Variants in PTPRO observed in about 807,000 individuals in gnomAD.
PTPRO encodes protein tyrosine phosphatase receptor type O.
A neutral mutation model predicts 145.2 loss-of-function variants in PTPRO; 62 were observed. That is an observed-to-expected ratio of 0.43 (90% CI 0.35 to 0.53). The LOEUF (loss-of-function observed/expected upper bound fraction) is 0.53, where lower values mean the gene tolerates loss of function less well. Among genes scored for constraint, PTPRO ranks in the 20% least tolerant of loss-of-function variants. PTPRO has a pLI of 0.01. For missense variants in PTPRO, 1,345 were observed against 1,482.7 expected, an observed-to-expected ratio of 0.91 and a Z score of 1.53; for synonymous variants, 565 against 514.7, an observed-to-expected ratio of 1.10 and a Z score of -1.32.
At chr12:15,378,841 A>C (rs1332126010) in intron 1 of PTPRO, among the ~76,000 whole-genome samples, 2 of 152,192 alleles carry the variant, frequency 1.3e-5, no homozygotes, top group Non-Finnish European at 2.9e-5. Flanking sequence ...TTAATAACTC[A>C]GTAACAAAAA....
chr12:15,393,694 C>T (rs557259991), intron 1 of PTPRO, among the ~76,000 whole-genome samples: 1 of 151,666 alleles, frequency 6.6e-6, no homozygotes, highest in Non-Finnish European at 1.5e-5. Context: ...AGGCAACTTG[C>T]CAGGACATCT....
chr12:15,556,698 AC>A (rs1447934219), intron 15 of PTPRO, among the ~76,000 whole-genome samples: 2 of 152,220 alleles, frequency 1.3e-5, no homozygotes, highest in Non-Finnish European at 1.5e-5. Flanking sequence ...CACTTGATCC[AC>A]TATCATTGTA....
chr12:15,415,738 G>A (rs191628345), intron 1 of PTPRO, among the ~76,000 whole-genome samples: 1 of 151,762 alleles, frequency 6.6e-6, no homozygotes, highest in African/African-American at 2.4e-5. Context: ...AAAATAGCCT[G>A]GTAAAAATTA....
chr12:15,571,449 G>A (rs576901152), intron 19 of PTPRO, among the ~76,000 whole-genome samples: 10 of 152,072 alleles, frequency 6.6e-5, no homozygotes, highest in South Asian at 2.1e-4. Flanking sequence ...CACCATGCCC[G>A]GCTAACTTTT....
intron 1 of PTPRO, among the ~76,000 whole-genome samples, chr12:15,332,658 T>A (rs1342562613): frequency 1.3e-5 from 2 of 152,238 alleles, no homozygotes; most frequent in Non-Finnish European, 2.9e-5. Context: ...AGTTCAAAAT[T>A]TAAGCTGATG....
intron 1 of PTPRO, among the ~76,000 whole-genome samples, chr12:15,367,339 G>T (rs1252479128): frequency 6.6e-6 from 1 of 152,174 alleles, no homozygotes; most frequent in Admixed American, 6.6e-5. Context: ...TTAAAAATTG[G>T]CATGAGCCTG....
chr12:15,404,188 CAAAAAAAA>C (rs370733389), intron 1 of PTPRO, among the ~76,000 whole-genome samples: 4,159 of 50,170 alleles, frequency 0.083, 209 homozygotes, highest in African/African-American at 0.24. Context: ...GACCCCATCT[CAAAAAAAA>C]AAAAAAAAAA....
intron 1 of PTPRO, among the ~76,000 whole-genome samples, chr12:15,447,059 C>G (rs901437102): frequency 1.4e-4 from 22 of 152,218 alleles, no homozygotes; most frequent in Admixed American, 1.3e-3. Context: ...CTTACAGAAG[C>G]CTACATTCAG....
chr12:15,538,493 G>T (rs1486873531), intron 12 of PTPRO, among the ~76,000 whole-genome samples: 1 of 152,168 alleles, frequency 6.6e-6, no homozygotes, highest in South Asian at 2.1e-4. Flanking sequence ...ATAGTGCTGG[G>T]ATTACAGGCG....
intron 1 of PTPRO, among the ~76,000 whole-genome samples, chr12:15,363,561 G>A (rs1938271878): frequency 1.3e-5 from 2 of 152,056 alleles, no homozygotes; most frequent in Admixed American, 6.6e-5. Flanking sequence ...ACAGGGTGGG[G>A]AAGATAGGAC....
At chr12:15,531,151 C>A (rs1038217134) in intron 12 of PTPRO, among the ~76,000 whole-genome samples, 2 of 152,014 alleles carry the variant, frequency 1.3e-5, no homozygotes, top group African/African-American at 4.8e-5. Flanking sequence ...CCTAATGAGA[C>A]TGAACAATTA....
intron 8 of PTPRO, among the ~76,000 whole-genome samples, chr12:15,516,131 C>T (rs1942578570): frequency 2.0e-5 from 3 of 150,900 alleles, no homozygotes; most frequent in Non-Finnish European, 1.5e-5. Context: ...GCTGGGACTA[C>T]AGGTACATGC....
intron 1 of PTPRO, among the ~76,000 whole-genome samples, chr12:15,381,058 T>C (rs938907785): frequency 1.3e-5 from 2 of 152,196 alleles, no homozygotes; most frequent in Non-Finnish European, 2.9e-5. Context: ...GATACCATAC[T>C]AGACAGTACA....
intron 1 of PTPRO, among the ~76,000 whole-genome samples, chr12:15,437,317 C>A (rs879522811): frequency 4.6e-5 from 7 of 151,960 alleles, no homozygotes; most frequent in Non-Finnish European, 8.8e-5. Context: ...CACCCCACCC[C>A]TCATGTGCAG....
In PTPRO at chr12:15,501,630, AC is replaced by A; in HGVS notation, c.674del (p.Pro225LeufsTer9). The A allele has an allele frequency of 6.2e-7, 1 of 1,613,272 alleles. No homozygotes were observed. The highest frequency in any genetic ancestry group is 8.5e-7 in the Non-Finnish European group (1 of 1,179,286). Reference sequence around the variant, plus strand: ...TTCTCTCTCTTACAGCCCCTTATCCACCTCAAAATATTTCCGTTCGTATCGT... The same window carrying A: ...TTCTCTCTCTTACAGCCCCTTATCCACTCAAAATATTTCCGTTCGTATCGT... ...PKQHRTAPYP[P>X]QNISVRIVNL... On this transcript the variant is annotated frameshift_variant, in exon 5 of 27. Transcript: ENST00000281171. LOFTEE classifies it high-confidence loss of function.
intron 1 of PTPRO, among the ~76,000 whole-genome samples, chr12:15,439,032 G>A (rs917369003): frequency 1.3e-5 from 2 of 152,052 alleles, no homozygotes; most frequent in South Asian, 4.1e-4. Flanking sequence ...TCTGCTAGAG[G>A]ACAGATCATG....
chr12:15,434,559 T>G (rs1291403507), intron 1 of PTPRO, among the ~76,000 whole-genome samples: 1 of 152,224 alleles, frequency 6.6e-6, no homozygotes, highest in Non-Finnish European at 1.5e-5. Context: ...TCAAAAGTGT[T>G]ATTCACATAA....
chr12:15,526,914 TAAC>T lies in PTPRO; in HGVS notation c.2164+655_2164+657del, dbSNP rs138601783. Among the ~76,000 whole-genome samples, 735 of 152,084 alleles carry T rather than the reference TAAC, an allele frequency of 4.8e-3. 5 individuals carry two copies. Among genetic ancestry groups the T allele is most frequent in the African/African-American group, 0.017 (706 of 41,470 alleles). On this transcript the variant is annotated intron_variant, in intron 12 of 26. Transcript: ENST00000281171. ...AAATGAACAAGTTAATATAAATTGA[TAAC>T]AAATAACTAAACAAGCATAGATACA...
intron 12 of PTPRO, among the ~76,000 whole-genome samples, chr12:15,542,001 A>G (rs1006694550): frequency 2.6e-5 from 4 of 151,378 alleles, no homozygotes; most frequent in African/African-American, 7.3e-5. Context: ...ACAGAGCAAG[A>G]CTCCACCTCA....
Sources: gnomAD v4.1 joint callset for allele counts (sites outside exome capture counted in the v4.1 genomes callset) on GRCh38, gnomAD v4.1.1 for gene constraint, MANE v1.5 for transcripts, NCBI Gene and HGNC (gene_info 2026-07-23, HGNC 2026-07-21) for gene names.